Variants in DDO observed in about 807,000 individuals in gnomAD.
The protein encoded by DDO is D-aspartate oxidase.
DDO carries 16 observed loss-of-function variants against 16.8 expected under a neutral mutation model. The ratio of observed to expected loss-of-function variants is 0.95; its 90% CI spans 0.65 to 1.45. The LOEUF (loss-of-function observed/expected upper bound fraction) is 1.45. Among genes scored for constraint, DDO ranks in the 40% most tolerant of loss-of-function variants. DDO has a pLI of 0.00. For missense variants in DDO, 429 were observed against 420.3 expected (o/e 1.02, Z -0.18); for synonymous variants, 180 against 167.2 (o/e 1.08, Z -0.59).
intron 4 of DDO, 46 bp downstream of exon 4, chr6:110,404,728 T>G: frequency 6.3e-7 from 1 of 1,595,066 alleles, no homozygotes; most frequent in Non-Finnish European, 8.6e-7. Context: ...CGAAGTGATT[T>G]ATGGCTATGA....
At chr6:110,415,092 G>C (rs565017328) in intron 1 of DDO, among the ~76,000 whole-genome samples, 1 of 152,230 alleles carries the variant, frequency 6.6e-6, no homozygotes, top group South Asian at 2.1e-4. Flanking sequence ...CAGTGGGCTG[G>C]TCAGCTGAGA....
intron 4 of DDO, among the ~76,000 whole-genome samples, chr6:110,402,228 C>T (rs1480742468): frequency 6.6e-6 from 1 of 152,170 alleles, no homozygotes; most frequent in African/African-American, 2.4e-5. Flanking sequence ...TTTATATTTA[C>T]ATGTGGACAT....
intron 1 of DDO, among the ~76,000 whole-genome samples, chr6:110,414,649 A>G (rs1773985818): frequency 1.3e-5 from 2 of 152,186 alleles, no homozygotes; most frequent in African/African-American, 4.8e-5. Flanking sequence ...CTCTTTCTGT[A>G]TGGCTCAGGT....
intron 4 of DDO, among the ~76,000 whole-genome samples, chr6:110,398,906 G>T (rs558683687): frequency 1.3e-5 from 2 of 152,292 alleles, no homozygotes; most frequent in Admixed American, 1.3e-4. Flanking sequence ...AGAGATCAAC[G>T]TGTCCATGTT....
intron 1 of DDO, 21 bp downstream of exon 1, chr6:110,415,446 T>C (rs1774016833): frequency 2.5e-6 from 4 of 1,613,934 alleles, no homozygotes; most frequent in Non-Finnish European, 2.5e-6. Context: ...ACCCCTCAGC[T>C]GAAAGCAAGA....
At chr6:110,408,862 T>A (rs1773752112) in intron 2 of DDO, among the ~76,000 whole-genome samples, 1 of 152,210 alleles carries the variant, frequency 6.6e-6, no homozygotes, top group African/African-American at 2.4e-5. Context: ...AGAGGGCCTC[T>A]TTCTTGGGGG....
At chr6:110,404,728 T>C (rs1178038559) in intron 4 of DDO, 46 bp downstream of exon 4, 2 of 1,595,066 alleles carry the variant, frequency 1.3e-6, no homozygotes, top group Admixed American at 3.4e-5. Flanking sequence ...CGAAGTGATT[T>C]ATGGCTATGA....
chr6:110,405,788 A>G (rs1773632470), intron 3 of DDO, among the ~76,000 whole-genome samples: 1 of 152,132 alleles, frequency 6.6e-6, no homozygotes, highest in Non-Finnish European at 1.5e-5. Context: ...CTGTAGTCCC[A>G]GCTATTGGGG....
intron 3 of DDO, among the ~76,000 whole-genome samples, chr6:110,407,949 C>T (rs563681761): frequency 4.6e-5 from 7 of 152,300 alleles, no homozygotes; most frequent in East Asian, 1.9e-4. Context: ...AGTCCCTCTC[C>T]CTTAGGTCTC....
rs756943948 is a variant in DDO at position 110,413,389 on chromosome 6, A to T, written c.74T>A (p.Leu25Gln). The part of the protein sequence containing the change: ...GLSTAVCISK[L>Q]VPRCSVTIIS... ...GATGGTAACGGAGCATCGGGGCACCAGTTTGGAGATGCACACAGCCGTGGA... is the reference window on the plus strand; with the variant it reads ...GATGGTAACGGAGCATCGGGGCACCTGTTTGGAGATGCACACAGCCGTGGA... Residue 25 changes from leucine (L) to glutamine (Q), a missense_variant, in exon 2 of 5, where the codon CTG becomes CAG. Physicochemically the swap from Leu to Gln is moderately radical, Grantham distance 113. Coordinates refer to ENST00000368924, the MANE Select transcript of DDO (RefSeq NM_001372108.2). 6.2e-7 allele frequency: 1 copy of T among 1,614,174 alleles called. No homozygotes were observed. Among genetic ancestry groups the T allele is most frequent in the South Asian group, 1.1e-5 (1 of 91,076 alleles).
rs1319335776 is a variant in DDO at position 110,392,128 on chromosome 6, T to C, written c.*647A>G. The stretch of plus-strand genomic sequence containing the variant: ...GAGGGGAGGAAAAGCTTGCTGCTAG[T>C]ACTAGGAGCAAGCATGCTTTGTCTT... On this transcript the variant is annotated 3_prime_UTR_variant, in exon 5 of 5. Transcript: ENST00000368924. 1.0e-6 allele frequency: 1 copy of C among 956,798 alleles called. No homozygotes were observed. Among genetic ancestry groups the C allele is most frequent in the African/African-American group, 1.8e-5 (1 of 56,636 alleles). 59.3% of individuals were successfully genotyped at this position (956,798 alleles called of 1,614,324 possible). A position where few individuals can be genotyped will look rare whatever the true frequency, so the allele number is the denominator to read the frequency against.
intron 4 of DDO, among the ~76,000 whole-genome samples, chr6:110,398,422 ACACACTT>A (rs562719636): frequency 3.9e-4 from 39 of 99,346 alleles, no homozygotes; most frequent in African/African-American, 1.9e-3. Flanking sequence ...ACACACACAC[ACACACTT>A]GGCCTCCCAG....
intron 3 of DDO, among the ~76,000 whole-genome samples, chr6:110,406,078 T>A (rs1269217074): frequency 3.3e-5 from 5 of 152,170 alleles, no homozygotes; most frequent in Admixed American, 6.5e-5. Context: ...GGCCCACTCT[T>A]GCGCTGGGCT....
At chr6:110,414,390 G>A (rs1346755230) in intron 1 of DDO, among the ~76,000 whole-genome samples, 1 of 152,234 alleles carries the variant, frequency 6.6e-6, no homozygotes, top group Non-Finnish European at 1.5e-5. Context: ...CTGTAACACA[G>A]AACAGATGGA....
intron 3 of DDO, among the ~76,000 whole-genome samples, chr6:110,405,277 A>G (rs1473684210): frequency 6.6e-6 from 1 of 152,196 alleles, no homozygotes; most frequent in Non-Finnish European, 1.5e-5. Context: ...GACTCAAGTG[A>G]TCCACCCACC....
chr6:110,410,793 G>C (rs1773829182), intron 2 of DDO, among the ~76,000 whole-genome samples: 1 of 152,146 alleles, frequency 6.6e-6, no homozygotes, highest in African/African-American at 2.4e-5. Flanking sequence ...TTTGGGTGGG[G>C]ATACAGCCAA....
intron 1 of DDO, 103 bp from the exon 2 acceptor site, chr6:110,413,569 G>A (rs1773939380): frequency 2.6e-6 from 3 of 1,169,964 alleles, no homozygotes; most frequent in Admixed American, 2.1e-5. Flanking sequence ...CAGCCACTCA[G>A]AATAAGACTT....
Position 110,397,004 on chromosome 6 carries a change from G to T in DDO, c.459-3662C>A, listed in dbSNP as rs1381135096. Among the ~76,000 whole-genome samples, 5 of 152,146 alleles carry T rather than the reference G, an allele frequency of 3.3e-5. No individual in the cohort carries two copies. In the East Asian group the frequency reaches 7.7e-4, roughly 23 times the overall value. ...TTCCAAAAAGTGAACACGAAGAAAA[G>T]AACTTTAAAAAGAGCTTAGGAGGCC... On this transcript the variant is annotated intron_variant, in intron 4 of 4. Transcript: ENST00000368924.
chr6:110,388,856 A>C, downstream of DDO: 1 of 959,178 alleles, frequency 1.0e-6, no homozygotes, highest in Non-Finnish European at 1.2e-6. Context: ...CAAGAAAGAA[A>C]AAATAAAGCA....
Sources: gnomAD v4.1 joint callset for allele counts (sites outside exome capture counted in the v4.1 genomes callset) on GRCh38, gnomAD v4.1.1 for gene constraint, MANE v1.5 for transcripts, NCBI Gene and HGNC (gene_info 2026-07-23, HGNC 2026-07-21) for gene names.